EHBP1: variants seen among roughly 807,000 people sequenced by gnomAD.
The protein encoded by EHBP1 is EH domain-binding protein 1.
A neutral mutation model predicts 144.0 loss-of-function variants in EHBP1; 55 were observed. The observed-to-expected ratio is 0.38, with a 90% CI of 0.31 to 0.48. The LOEUF (loss-of-function observed/expected upper bound fraction) is 0.48. EHBP1 is among the 20% of genes least tolerant of loss of function. The pLI is 0.98. For missense variants in EHBP1, 1,200 were observed against 1,364.2 expected (o/e 0.88, Z 1.90); for synonymous variants, 469 against 472.7 (o/e 0.99, Z 0.10).
Position 62,990,808 on chromosome 2 carries a change from G to A in EHBP1, c.2701G>A (p.Ala901Thr). 1 of 1,613,828 alleles carries A rather than the reference G, an allele frequency of 6.2e-7. No individual in the cohort carries two copies. Among genetic ancestry groups the A allele is most frequent in the South Asian group, 1.1e-5 (1 of 91,054 alleles). The change falls in exon 16 of 23, where the codon GCT (alanine) becomes ACT (threonine). Residue 901 changes from alanine (A) to threonine (T), a missense_variant. Physicochemically the swap from Ala to Thr is moderately conservative, Grantham distance 58. Around this residue, in one of 6 missense-constraint regions of EHBP1, gnomAD observed 543 missense variants for 513.1 expected, o/e 1.06. Coordinates refer to ENST00000431489, the MANE Select transcript of EHBP1 (RefSeq NM_001142616.3). ...TTCACCCTCCAGTGCTGCCCAGAAA[G>A]CTGTAACTGAGAGCTCAGAGCAGGA... is the stretch of plus-strand genomic sequence containing the variant. ...ANSPSSAAQK[A>T]VTESSEQDMK...
At chr2:62,814,800 A>G (rs1050621434) in intron 5 of EHBP1, among the ~76,000 whole-genome samples, 2 of 152,224 alleles carry the variant, frequency 1.3e-5, no homozygotes, top group African/African-American at 4.8e-5. Context: ...AAACAATACT[A>G]CATTGAAGAC....
intron 10 of EHBP1, among the ~76,000 whole-genome samples, chr2:62,905,953 A>C (rs946514536): frequency 1.3e-5 from 2 of 152,184 alleles, no homozygotes; most frequent in African/African-American, 4.8e-5. Flanking sequence ...GTAGAGATGG[A>C]AAGTAGATAA....
intron 6 of EHBP1, among the ~76,000 whole-genome samples, chr2:62,827,306 G>A (rs1256554328): frequency 2.0e-5 from 3 of 152,076 alleles, no homozygotes; most frequent in Non-Finnish European, 4.4e-5. Context: ...TTTCATCTCA[G>A]GACCTTAAAT....
intron 8 of EHBP1, 103 bp from the exon 9 acceptor site, chr2:62,864,628 G>C: frequency 8.9e-7 from 1 of 1,127,272 alleles, no homozygotes; most frequent in South Asian, 1.6e-5. Context: ...CAGCCCCATA[G>C]AGCTTATTAA....
intron 10 of EHBP1, among the ~76,000 whole-genome samples, chr2:62,883,812 A>G (rs1487659645): frequency 6.6e-6 from 1 of 152,156 alleles, no homozygotes; most frequent in East Asian, 1.9e-4. Context: ...AAAAAATTAA[A>G]ATAAAAACGT....
intron 14 of EHBP1, among the ~76,000 whole-genome samples, chr2:62,976,171 T>C (rs557367550): frequency 6.6e-6 from 1 of 152,312 alleles, no homozygotes; most frequent in East Asian, 1.9e-4. Flanking sequence ...TTCATTGCAG[T>C]CATTTTTGTT....
intron 6 of EHBP1, among the ~76,000 whole-genome samples, chr2:62,828,273 A>G (rs754155436): frequency 1.3e-5 from 2 of 152,236 alleles, no homozygotes; most frequent in African/African-American, 2.4e-5. Context: ...GGGGAAGTAT[A>G]GCAAAGTAAA....
At chr2:62,761,399 T>C (rs760233691) in intron 3 of EHBP1, among the ~76,000 whole-genome samples, 5 of 152,178 alleles carry the variant, frequency 3.3e-5, no homozygotes, top group Non-Finnish European at 4.4e-5. Flanking sequence ...GGGAGAATTA[T>C]TGACAATTCA....
In EHBP1 at chr2:62,708,402, A is replaced by G. The variant is rs561857614; in HGVS notation, c.104+1107A>G. Among the ~76,000 whole-genome samples, 3 of 152,362 alleles carry G rather than the reference A, an allele frequency of 2.0e-5. 1 individual carries two copies. The South Asian group carries it at 6.2e-4, about 32-fold the overall frequency. ...TGCAGTCCAGTATAAGGAGAGTCACATGAATAAATTCACCGTGAGAGATGC... is the reference window on the plus strand; with the variant it reads ...TGCAGTCCAGTATAAGGAGAGTCACGTGAATAAATTCACCGTGAGAGATGC... On this transcript the variant is annotated intron_variant, in intron 2 of 22. Transcript: ENST00000431489.
chr2:62,976,137 C>T (rs866257274), intron 14 of EHBP1, among the ~76,000 whole-genome samples: 1 of 152,092 alleles, frequency 6.6e-6, no homozygotes, highest in East Asian at 1.9e-4. Flanking sequence ...TTCCTTGATT[C>T]AGTGTGTGAC....
chr2:62,834,197 G>A (rs1182584024), intron 7 of EHBP1, among the ~76,000 whole-genome samples: 1 of 152,172 alleles, frequency 6.6e-6, no homozygotes, highest in Non-Finnish European at 1.5e-5. Context: ...GACAACAAAG[G>A]ATTTAGAATA....
intron 3 of EHBP1, among the ~76,000 whole-genome samples, chr2:62,751,857 G>C (rs2039757866): frequency 6.6e-6 from 1 of 151,762 alleles, no homozygotes; most frequent in South Asian, 2.1e-4. Flanking sequence ...TATTGTGTCT[G>C]TTTCATTCTT....
intron 19 of EHBP1, among the ~76,000 whole-genome samples, chr2:63,003,032 A>C (rs1272150280): frequency 6.6e-6 from 1 of 152,034 alleles, no homozygotes. Flanking sequence ...TATTATAATT[A>C]CGAATTTGGT....
chr2:62,828,612 G>A (rs2046521814), intron 6 of EHBP1, among the ~76,000 whole-genome samples: 1 of 152,052 alleles, frequency 6.6e-6, no homozygotes, highest in Non-Finnish European at 1.5e-5. Context: ...ATATACTTAA[G>A]CAAGATTTAA....
chr2:62,943,501 T>C (rs1396658893), intron 11 of EHBP1, among the ~76,000 whole-genome samples: 1 of 152,158 alleles, frequency 6.6e-6, no homozygotes, highest in Admixed American at 6.5e-5. Flanking sequence ...ATTCTTTACA[T>C]TGACAACAAG....
At chr2:62,732,618 T>A (rs1470045686) in intron 2 of EHBP1, among the ~76,000 whole-genome samples, 1 of 152,170 alleles carries the variant, frequency 6.6e-6, no homozygotes, top group African/African-American at 2.4e-5. Flanking sequence ...ACGTGCCAGC[T>A]TCCCCCTCAC....
chr2:62,740,764 G>C (rs972603344), intron 2 of EHBP1, among the ~76,000 whole-genome samples: 1 of 151,922 alleles, frequency 6.6e-6, no homozygotes, highest in African/African-American at 2.4e-5. Flanking sequence ...TTTTAATTTA[G>C]GAAAAGCTTG....
chr2:62,850,354 G>A (rs936498641), intron 7 of EHBP1, among the ~76,000 whole-genome samples: 1 of 151,818 alleles, frequency 6.6e-6, no homozygotes, highest in African/African-American at 2.4e-5. Context: ...CCACCTACTC[G>A]TCACTTGTCG....
intron 9 of EHBP1, among the ~76,000 whole-genome samples, chr2:62,870,200 A>C (rs1017241557): frequency 6.6e-6 from 1 of 152,176 alleles, no homozygotes; most frequent in African/African-American, 2.4e-5. Context: ...GAGAAATGTT[A>C]TCTCTCTATT....
Sources: gnomAD v4.1 joint callset for allele counts (sites outside exome capture counted in the v4.1 genomes callset) on GRCh38, gnomAD v4.1.1 for gene constraint, gnomAD v4.1.1 regional missense constraint, MANE v1.5 for transcripts, NCBI Gene and HGNC (gene_info 2026-07-23, HGNC 2026-07-21) for gene names.